Variants in ZNF18 observed in about 807,000 individuals in gnomAD.
ZNF18 encodes heart development-specific gene 1 protein.
In ZNF18, 42 loss-of-function variants were observed where a neutral mutation model predicts 58.1. The ratio of observed to expected loss-of-function variants is 0.72; its 90% CI spans 0.56 to 0.93. The LOEUF (loss-of-function observed/expected upper bound fraction) is 0.93. Ranked by LOEUF, ZNF18 falls within the 40% of genes least tolerant of loss-of-function variation. ZNF18 has a pLI of 0.00. For missense variants in ZNF18, 540 were observed against 644.2 expected, an observed-to-expected ratio of 0.84 and a Z score of 1.75; for synonymous variants, 231 against 239.8, an observed-to-expected ratio of 0.96 and a Z score of 0.34.
In ZNF18 at chr17:11,993,825, C is replaced by CAAA. The variant is rs386385680; in HGVS notation, c.-82-917_-82-915dup. 4.0e-3 allele frequency among the ~76,000 whole-genome samples: 287 copies of CAAA among 71,200 alleles called. 35 individuals are homozygous for CAAA. Among genetic ancestry groups the CAAA allele is most frequent in the Middle Eastern group, 0.036 (2 of 56 alleles). 46.7% of individuals were successfully genotyped at this position (71,200 alleles called of 152,430 possible). A position where few individuals can be genotyped will look rare whatever the true frequency, so the allele number is the denominator to read the frequency against. On this transcript the variant is annotated intron_variant, in intron 1 of 6. Transcript: ENST00000580306. ...GGGGACAGAGAGAGACTCCGTCTCA[C>CAAA]AAAAAAAAAAAAAAAAAAAAAAAAG...
intron 4 of ZNF18, among the ~76,000 whole-genome samples, chr17:11,986,178 A>G (rs2151477397): frequency 6.6e-6 from 1 of 152,370 alleles, no homozygotes; most frequent in Non-Finnish European, 1.5e-5. Context: ...GCCTGCCGCC[A>G]TCCTTGAAAG....
At chr17:12,020,713 A>G in the ZNF18 span, 4 of 366,276 alleles carry the variant, frequency 1.1e-5, no homozygotes, top group African/African-American at 2.1e-5. Context: ...TCTGCAGCTC[A>G]GCATCTGGCC....
At chr17:11,987,501 A>T (rs1342129415) in intron 4 of ZNF18, among the ~76,000 whole-genome samples, 1 of 152,206 alleles carries the variant, frequency 6.6e-6, no homozygotes, top group Admixed American at 6.5e-5. Context: ...TTGGGTAGGG[A>T]CAACTTTTGT....
chr17:12,005,564 T>C, the ZNF18 span, among the ~76,000 whole-genome samples: 1 of 152,186 alleles, frequency 6.6e-6, no homozygotes, highest in African/African-American at 2.4e-5. Flanking sequence ...ATGATGTACT[T>C]TATCCATTTG....
At chr17:11,978,952 G>C (rs928213290) in intron 6 of ZNF18, among the ~76,000 whole-genome samples, 14 of 141,020 alleles carry the variant, frequency 9.9e-5, no homozygotes, top group Admixed American at 6.2e-4. Flanking sequence ...AGGCTAAATG[G>C]TTCAGCTCTG....
At chr17:11,979,484 A>C (rs969847037) in intron 6 of ZNF18, among the ~76,000 whole-genome samples, 1 of 152,178 alleles carries the variant, frequency 6.6e-6, no homozygotes, top group Non-Finnish European at 1.5e-5. Flanking sequence ...TCTGTGCTTG[A>C]ATCTAGTATT....
the ZNF18 span, among the ~76,000 whole-genome samples, chr17:12,005,325 C>T: frequency 6.6e-6 from 1 of 152,014 alleles, no homozygotes; most frequent in Non-Finnish European, 1.5e-5. Flanking sequence ...TTGAGGTTCT[C>T]ATACATGAAA....
chr17:12,006,634 C>G, the ZNF18 span, among the ~76,000 whole-genome samples: 5 of 151,996 alleles, frequency 3.3e-5, no homozygotes, highest in Admixed American at 2.6e-4. Flanking sequence ...ACCTGTGGAC[C>G]CTGCTACTTG....
At chr17:12,004,156 G>T in the ZNF18 span, among the ~76,000 whole-genome samples, 1 of 151,820 alleles carries the variant, frequency 6.6e-6, no homozygotes, top group Non-Finnish European at 1.5e-5. Context: ...GCTTGAACCC[G>T]GGAGATGGAC....
the ZNF18 span, among the ~76,000 whole-genome samples, chr17:12,019,859 A>G: frequency 6.6e-6 from 1 of 152,232 alleles, no homozygotes; most frequent in African/African-American, 2.4e-5. Flanking sequence ...GTCCAGCTCC[A>G]TGGCTTAGAT....
chr17:12,001,702 T>A (rs1478034296), upstream of ZNF18, among the ~76,000 whole-genome samples: 1 of 152,140 alleles, frequency 6.6e-6, no homozygotes, highest in Non-Finnish European at 1.5e-5. Flanking sequence ...TTAAATGTTC[T>A]CACCATAAAA....
chr17:12,015,904 A>AG, the ZNF18 span, among the ~76,000 whole-genome samples: 1 of 151,696 alleles, frequency 6.6e-6, no homozygotes, highest in African/African-American at 2.4e-5. Context: ...TTCTCTTGGT[A>AG]CTCAGCCTTC....
At chr17:12,018,630 G>T in the ZNF18 span, among the ~76,000 whole-genome samples, 1 of 152,140 alleles carries the variant, frequency 6.6e-6, no homozygotes, top group African/African-American at 2.4e-5. Context: ...TAGTCCATAA[G>T]AAATCATAAA....
At chr17:12,014,203 T>C in the ZNF18 span, among the ~76,000 whole-genome samples, 1 of 152,250 alleles carries the variant, frequency 6.6e-6, no homozygotes, top group Non-Finnish European at 1.5e-5. Context: ...TCTGAAATGA[T>C]GCAGCAACTT....
At position 11,990,491 on chromosome 17, in the gene ZNF18, C is replaced by A; in HGVS notation, c.637G>T (p.Gly213Ter). 2 of 1,613,042 alleles carry A rather than the reference C, an allele frequency of 1.2e-6. No individual in the cohort carries two copies. The highest frequency in any genetic ancestry group is 1.7e-6 in the Non-Finnish European group (2 of 1,179,798). The change falls in exon 4 of 7, where the codon GGA becomes TGA. Residue 213 changes from glycine to a stop codon, truncating the protein, a stop_gained. Transcript: ENST00000580306. LOFTEE classifies it high-confidence loss of function. ...GGTGCTGCTGGGAGCAGTGAGGCTCCGAGGTCCTGGTCTCTGATCAGCCTT... is the reference window on the plus strand; with the variant it reads ...GGTGCTGCTGGGAGCAGTGAGGCTCAGAGGTCCTGGTCTCTGATCAGCCTT... ...EERLIRDQDLGASLLPAAPQE... is the reference protein window; with the variant it reads ...EERLIRDQDL
intron 6 of ZNF18, among the ~76,000 whole-genome samples, chr17:11,982,341 T>C (rs11869883): frequency 0.029 from 4,456 of 152,302 alleles, 224 homozygotes; most frequent in African/African-American, 0.1. Context: ...ACATCTGATA[T>C]TTCCTCTTCA....
intron 2 of ZNF18, 32 bp downstream of exon 2, chr17:11,992,411 T>G: frequency 6.3e-7 from 1 of 1,593,162 alleles, no homozygotes; most frequent in South Asian, 1.1e-5. Flanking sequence ...AGCCCTGTGT[T>G]TCACTCGCAG....
At chr17:11,987,809 G>A (rs549413840) in intron 4 of ZNF18, among the ~76,000 whole-genome samples, 46 of 152,244 alleles carry the variant, frequency 3.0e-4, no homozygotes, top group African/African-American at 1.0e-3. Flanking sequence ...GGGTACCTTT[G>A]ATTCACTAAA....
the ZNF18 span, among the ~76,000 whole-genome samples, chr17:12,016,921 G>A: frequency 6.6e-6 from 1 of 152,170 alleles, no homozygotes; most frequent in Non-Finnish European, 1.5e-5. Flanking sequence ...TATTGGCCAG[G>A]TGCGGTGGCT....
Sources: allele counts gnomAD v4.1 joint callset (sites outside exome capture counted in the v4.1 genomes callset), GRCh38; gene constraint gnomAD v4.1.1; transcripts MANE v1.5; gene names NCBI Gene and HGNC (gene_info 2026-07-23, HGNC 2026-07-21).